Variants in AGTRAP observed in about 807,000 individuals in gnomAD.
The protein encoded by AGTRAP is angiotensin II receptor associated protein.
AGTRAP carries 7 observed loss-of-function variants against 15.2 expected under a neutral mutation model. The observed-to-expected ratio is 0.46, with a 90% CI of 0.26 to 0.87. The LOEUF is 0.87. Among genes scored for constraint, AGTRAP ranks in the 40% least tolerant of loss-of-function variants. The probability of loss-of-function intolerance (pLI) is 0.15; values close to 1 mark genes in which losing one functional copy is unlikely to be tolerated. For synonymous variants in AGTRAP, 74 were observed against 89.6 expected, an observed-to-expected ratio of 0.83 and a Z score of 0.98; for missense variants, 187 against 213.4, an observed-to-expected ratio of 0.88 and a Z score of 0.77.
At chr1:11,747,754 A>G (rs1642201375) in intron 3 of AGTRAP, among the ~76,000 whole-genome samples, 1 of 152,208 alleles carries the variant, frequency 6.6e-6, no homozygotes, top group Admixed American at 6.5e-5. Flanking sequence ...TGTCTGGCTT[A>G]GAGAACCCCA....
At chr1:11,744,526 C>T in intron 1 of AGTRAP, 2 of 716,220 alleles carry the variant, frequency 2.8e-6, no homozygotes, top group Non-Finnish European at 5.2e-6. Flanking sequence ...CCCTCTGCCC[C>T]CCACAGTGCG....
rs1040292613 is a variant in AGTRAP at position 11,750,052 on chromosome 1, T to G, written c.365-25T>G. On this transcript the variant is annotated intron_variant, in intron 4 of 4. Coordinates refer to ENST00000314340, the MANE Select transcript of AGTRAP (RefSeq NM_020350.5). Reference sequence around the variant, plus strand: ...CGAGTTCTCACCCTTCATTTTTCTTTCCCACCATGTCCCCTGTCACCTAGG... The same window carrying G: ...CGAGTTCTCACCCTTCATTTTTCTTGCCCACCATGTCCCCTGTCACCTAGG... 3.8e-5 allele frequency: 60 copies of G among 1,587,098 alleles called. No individual in the cohort carries two copies. The Middle Eastern group carries it at 5.0e-4, about 13-fold the overall frequency.
chr1:11,741,692 A>G (rs1642033429), intron 1 of AGTRAP, among the ~76,000 whole-genome samples: 1 of 152,138 alleles, frequency 6.6e-6, no homozygotes, highest in South Asian at 2.1e-4. Context: ...TCTGAGCCTC[A>G]GTTTTCTCAG....
chr1:11,748,173 C>T (rs367822884), intron 3 of AGTRAP, among the ~76,000 whole-genome samples: 14 of 152,314 alleles, frequency 9.2e-5, no homozygotes, highest in Non-Finnish European at 1.6e-4. Context: ...TTGGAGATGA[C>T]GGGAAATGGG....
At chr1:11,749,735 G>T (rs151074679) in intron 4 of AGTRAP, among the ~76,000 whole-genome samples, 44 of 152,296 alleles carry the variant, frequency 2.9e-4, no homozygotes, top group African/African-American at 9.4e-4. Flanking sequence ...ATGGCACAGG[G>T]GCCAGGAGCC....
chr1:11,746,074 CCT>C, intron 2 of AGTRAP: 1 of 1,561,494 alleles, frequency 6.4e-7, no homozygotes, highest in South Asian at 1.1e-5. Context: ...CACAGTGAGG[CCT>C]CAGCACTGCA....
chr1:11,739,285 TCACACCTGTAATCCTAGCACTTTGGGA>T (rs1641970595), intron 1 of AGTRAP, among the ~76,000 whole-genome samples: 2 of 152,306 alleles, frequency 1.3e-5, no homozygotes, highest in African/African-American at 2.4e-5. Context: ...GCGTGGTGGC[TCACACCTGTAATCCTAGCACTTTGGGA>T]GACCCAGGCA....
rs1443853154 is a variant in AGTRAP, at chr1:11,736,205, C to T, written c.-4C>T. 3.7e-6 allele frequency: 6 copies of T among 1,605,500 alleles called. No homozygotes were observed. Among genetic ancestry groups the T allele is most frequent in the Admixed American group, 1.7e-5 (1 of 58,524 alleles). On this transcript the variant is annotated 5_prime_UTR_variant, in exon 1 of 5. Coordinates refer to ENST00000314340, the MANE Select transcript of AGTRAP (RefSeq NM_020350.5). ...CGGCGCAGGTGCCCTCGGCCTGAGT[C>T]GGGATGGAGCTGCCTGCTGTGAACC... is the stretch of plus-strand genomic sequence containing the variant.
rs868860577 is a variant in AGTRAP at position 11,745,751 on chromosome 1, C to T, written c.28-52C>T. On this transcript the variant is annotated intron_variant, in intron 1 of 4. Transcript: ENST00000314340. The surrounding 1 kb of genome is among the most constrained non-coding windows in gnomAD (Gnocchi z 4.2). ...TTTCTGCACCCGACGCTTTCCTGCCCCTGTGGTGGTCATGTTCACAGACCT... is the reference window on the plus strand; with the variant it reads ...TTTCTGCACCCGACGCTTTCCTGCCTCTGTGGTGGTCATGTTCACAGACCT... 6.2e-7 allele frequency: 1 copy of T among 1,601,442 alleles called. No individual in the cohort carries two copies. Among genetic ancestry groups the T allele is most frequent in the African/African-American group, 1.3e-5 (1 of 74,618 alleles).
intron 1 of AGTRAP, among the ~76,000 whole-genome samples, chr1:11,743,515 G>GGATT (rs906018206): frequency 3.0e-4 from 46 of 151,838 alleles, no homozygotes; most frequent in African/African-American, 1.1e-3. Context: ...CACAGTGCTG[G>GGATT]GATTACAGGG....
chr1:11,743,003 G>A (rs1319836428), intron 1 of AGTRAP, among the ~76,000 whole-genome samples: 1 of 152,168 alleles, frequency 6.6e-6, no homozygotes, highest in Admixed American at 6.5e-5. Context: ...TAAACTTCTA[G>A]GGCCCTCATT....
chr1:11,742,398 GTCTT>G (rs1642052759), intron 1 of AGTRAP, among the ~76,000 whole-genome samples: 1 of 152,154 alleles, frequency 6.6e-6, no homozygotes, highest in South Asian at 2.1e-4. Context: ...GAGTTTGTCT[GTCTT>G]TCTTTTCTGT....
intron 4 of AGTRAP, among the ~76,000 whole-genome samples, chr1:11,749,714 T>C (rs909294999): frequency 9.2e-5 from 14 of 152,136 alleles, no homozygotes; most frequent in African/African-American, 3.4e-4. Flanking sequence ...ACGTGCTGCC[T>C]GGGGAAGCCC....
chr1:11,750,341 CA>C lies in AGTRAP; in HGVS notation c.*150del. On this transcript the variant is annotated 3_prime_UTR_variant, in exon 5 of 5. Transcript: ENST00000314340. Reference sequence around the variant, plus strand: ...CCTGAACCAAGAGGCCAGGAGCCCCCATGGGCCGCCCAGTACCATGCACACT... The same window carrying C: ...CCTGAACCAAGAGGCCAGGAGCCCCCTGGGCCGCCCAGTACCATGCACACT... 1.3e-6 allele frequency: 1 copy of C among 757,990 alleles called. No homozygotes were observed. The highest frequency in any genetic ancestry group is 2.3e-6 in the Non-Finnish European group (1 of 438,702). The allele number at this position is 757,990 out of a possible 1,614,324, so 47.0% of individuals were successfully genotyped here.
intron 2 of AGTRAP, chr1:11,746,462 A>G (rs535757676): frequency 6.5e-6 from 3 of 459,842 alleles, no homozygotes; most frequent in South Asian, 2.7e-5. Flanking sequence ...TGAATGTCCT[A>G]TAAATCTAGG....
At chr1:11,746,082 C>A (rs777368192) in intron 2 of AGTRAP, 3 of 1,588,770 alleles carry the variant, frequency 1.9e-6, no homozygotes, top group Middle Eastern at 1.7e-4. Flanking sequence ...GGCCTCAGCA[C>A]TGCAGCTTGA....
chr1:11,746,593 C>T, intron 2 of AGTRAP: 1 of 188,104 alleles, frequency 5.3e-6, no homozygotes, highest in East Asian at 1.3e-4. Flanking sequence ...AGAGCATGGC[C>T]TCTCCAGCCA....
Position 11,750,178 on chromosome 1 carries a change from G to T in AGTRAP, c.466G>T (p.Ala156Ser). Residue 156 changes from alanine to serine, a missense_variant, in exon 5 of 5, where the codon GCC (alanine) becomes TCC (serine). Physicochemically the swap from Ala to Ser is moderately conservative, Grantham distance 99 (BLOSUM62 1). Coordinates refer to ENST00000314340, the MANE Select transcript of AGTRAP (RefSeq NM_020350.5). ...AGTCCCAGAGGGCAGGAGTCAAGAT[G>T]CCCGAGGGTACTGAAGCCAGCCACG... ...FAVPEGRSQD[A>S]RGY The T allele has an allele frequency of 1.2e-6, 2 of 1,613,592 alleles. No individual in the cohort carries two copies.
rs1235091698 is a variant in AGTRAP, at chr1:11,750,485, G to A, written c.*293G>A. The A allele has an allele frequency of 1.9e-5, 11 of 589,746 alleles. No individual in the cohort carries two copies. The highest frequency in any genetic ancestry group is 7.5e-5 in the African/African-American group (4 of 53,674). 36.5% of individuals were successfully genotyped at this position (589,746 alleles called of 1,614,324 possible). On this transcript the variant is annotated 3_prime_UTR_variant, in exon 5 of 5. Transcript: ENST00000314340. ...GGTGGCACCACAGAGGCCCTCAGCC[G>A]AGTCCTGCCTGAGTGTTGCAAGCTC...
Sources: gnomAD v4.1 joint callset for allele counts (sites outside exome capture counted in the v4.1 genomes callset) on GRCh38, gnomAD v4.1.1 for gene constraint, Gnocchi (gnomAD v3.1) non-coding constraint, MANE v1.5 for transcripts, NCBI Gene and HGNC (gene_info 2026-07-23, HGNC 2026-07-21) for gene names.